Variants in HDAC9 observed in about 807,000 individuals in gnomAD.
HDAC9 encodes the protein MEF-2 interacting transcription repressor (MITR) protein.
Under a neutral mutation model 139.4 loss-of-function variants are expected in HDAC9, and 41 were observed. The ratio of observed to expected loss-of-function variants is 0.29; its 90% CI spans 0.23 to 0.38. The LOEUF (loss-of-function observed/expected upper bound fraction) is 0.38, where lower values mean the gene tolerates loss of function less well. Among genes scored for constraint, HDAC9 ranks in the 10% least tolerant of loss-of-function variants. The probability of loss-of-function intolerance (pLI) is 1.00; values close to 1 mark genes in which losing one functional copy is unlikely to be tolerated. For synonymous variants in HDAC9, 517 were observed against 476.2 expected (o/e 1.09, Z -1.12); for missense variants, 1,147 against 1,297.0 (o/e 0.88, Z 1.78).
chr7:18,125,713 C>A (rs1217144673), intron 1 of HDAC9, among the ~76,000 whole-genome samples: 1 of 152,060 alleles, frequency 6.6e-6, no homozygotes, highest in African/African-American at 2.4e-5. Flanking sequence ...TACAACTACT[C>A]TGCCCTTGTA....
chr7:18,381,874 A>G (rs985483204), intron 1 of HDAC9, among the ~76,000 whole-genome samples: 2 of 152,042 alleles, frequency 1.3e-5, no homozygotes, highest in Non-Finnish European at 2.9e-5. Context: ...CTTGTTTCCT[A>G]TTTTTCGCCT....
At chr7:18,206,581 T>A (rs974236676) in intron 2 of HDAC9, among the ~76,000 whole-genome samples, 1 of 152,126 alleles carries the variant, frequency 6.6e-6, no homozygotes, top group South Asian at 2.1e-4. Context: ...AGGGTGAATA[T>A]TCCCAGAGAA....
intron 22 of HDAC9, among the ~76,000 whole-genome samples, chr7:18,915,757 A>AT (rs1803136475): frequency 6.6e-6 from 1 of 151,912 alleles, no homozygotes; most frequent in Non-Finnish European, 1.5e-5. Flanking sequence ...TAAATATGCC[A>AT]TTTTAACTCC....
At position 18,306,853 on chromosome 7, in the gene HDAC9, C is replaced by T. The variant is rs941497074; in HGVS notation, c.-42+16338C>T. On this transcript the variant is annotated intron_variant, in intron 1 of 3. Transcript: ENST00000413509. ...TTTTGCTTGTGCTATTTTGGATTTGCGAAACACCCCCCACTTACTTAAATT... is the reference window on the plus strand; with the variant it reads ...TTTTGCTTGTGCTATTTTGGATTTGTGAAACACCCCCCACTTACTTAAATT... 5.3e-5 allele frequency among the ~76,000 whole-genome samples: 8 copies of T among 152,124 alleles called. No individual in the cohort carries two copies. The East Asian group carries it at 5.8e-4, about 11-fold the overall frequency.
intron 24 of HDAC9, 76 bp downstream of exon 24, chr7:18,954,306 A>G (rs972426307): frequency 4.9e-6 from 5 of 1,021,820 alleles, no homozygotes; most frequent in Non-Finnish European, 5.9e-6. Flanking sequence ...TATAGTACAA[A>G]GAAACATTTA....
intron 2 of HDAC9, among the ~76,000 whole-genome samples, chr7:18,577,340 GT>G (rs1826307880): frequency 6.6e-6 from 1 of 152,110 alleles, no homozygotes. Flanking sequence ...TCCTGTTCCT[GT>G]GTACATGCTC....
upstream of HDAC9, among the ~76,000 whole-genome samples, chr7:18,286,915 C>T (rs1797488386): frequency 6.6e-6 from 1 of 152,112 alleles, no homozygotes; most frequent in East Asian, 1.9e-4. Context: ...GACTTGCCTC[C>T]TTCCTGTGTG....
At chr7:18,252,063 G>C (rs1005511662) in intron 2 of HDAC9, among the ~76,000 whole-genome samples, 5 of 152,126 alleles carry the variant, frequency 3.3e-5, no homozygotes, top group African/African-American at 1.2e-4. Flanking sequence ...AGCTAGTCTT[G>C]AGAGCATGCA....
intron 11 of HDAC9, among the ~76,000 whole-genome samples, chr7:18,652,705 A>G (rs1789696624): frequency 6.6e-6 from 1 of 152,128 alleles, no homozygotes; most frequent in Non-Finnish European, 1.5e-5. Context: ...TAGAATATTA[A>G]TATCTTTATT....
chr7:18,089,460 T>G (rs552983633), intron 1 of HDAC9, among the ~76,000 whole-genome samples: 1 of 152,170 alleles, frequency 6.6e-6, no homozygotes, highest in East Asian at 1.9e-4. Flanking sequence ...AGTTGTTTTA[T>G]GAAGTTATTG....
intron 2 of HDAC9, among the ~76,000 whole-genome samples, chr7:18,237,442 T>G (rs1009975144): frequency 1.3e-5 from 2 of 152,154 alleles, no homozygotes; most frequent in Non-Finnish European, 2.9e-5. Flanking sequence ...GGGGTATTGG[T>G]TATTTCGAAT....
intron 22 of HDAC9, among the ~76,000 whole-genome samples, chr7:18,922,783 T>G (rs1308708825): frequency 6.6e-6 from 1 of 152,120 alleles, no homozygotes; most frequent in South Asian, 2.1e-4. Flanking sequence ...TGATTAATTT[T>G]ATCCAAATTC....
intron 17 of HDAC9, among the ~76,000 whole-genome samples, chr7:18,820,706 A>G (rs1292722853): frequency 6.6e-6 from 1 of 152,208 alleles, no homozygotes; most frequent in Non-Finnish European, 1.5e-5. Flanking sequence ...TATGTCAGAT[A>G]CTATGTAAAT....
At chr7:18,222,871 C>A (rs1212198919) in intron 2 of HDAC9, among the ~76,000 whole-genome samples, 1 of 152,048 alleles carries the variant, frequency 6.6e-6, no homozygotes, top group Non-Finnish European at 1.5e-5. Flanking sequence ...CTCTATTTCC[C>A]TAGGCTAAGT....
At chr7:18,666,542 G>C in intron 12 of HDAC9, 66 bp downstream of exon 12, 1 of 1,559,666 alleles carries the variant, frequency 6.4e-7, no homozygotes, top group Non-Finnish European at 8.7e-7. Context: ...GAAATGCATT[G>C]CAGGTTTGGT....
At chr7:18,835,865 TCTC>T in intron 20 of HDAC9, 32 bp from the exon 21 acceptor site, 3 of 1,406,092 alleles carry the variant, frequency 2.1e-6, no homozygotes, top group Non-Finnish European at 2.0e-6. Flanking sequence ...TTTGCTCTCT[TCTC>T]TGCCCACCGT....
chr7:18,463,194 G>T (rs1212534996), intron 1 of HDAC9, among the ~76,000 whole-genome samples: 1 of 151,980 alleles, frequency 6.6e-6, no homozygotes, highest in Non-Finnish European at 1.5e-5. Context: ...GTTTACGAAT[G>T]AGATTAGTTT....
intron 21 of HDAC9, among the ~76,000 whole-genome samples, chr7:18,840,011 A>G (rs1307466008): frequency 6.6e-6 from 1 of 152,124 alleles, no homozygotes; most frequent in Admixed American, 6.6e-5. Flanking sequence ...GCAATTTCCA[A>G]CGAATAAGAT....
At chr7:18,665,894 C>T (rs1794724518) in intron 11 of HDAC9, among the ~76,000 whole-genome samples, 1 of 151,986 alleles carries the variant, frequency 6.6e-6, no homozygotes, top group Admixed American at 6.6e-5. Flanking sequence ...TTGAAAGTTT[C>T]AGGGTTTCCA....
Sources: gnomAD v4.1 joint callset for allele counts (sites outside exome capture counted in the v4.1 genomes callset) on GRCh38, gnomAD v4.1.1 for gene constraint, MANE v1.5 for transcripts, NCBI Gene and HGNC (gene_info 2026-07-23, HGNC 2026-07-21) for gene names.